Variants in IFT43 observed in about 807,000 individuals in gnomAD.
The protein encoded by IFT43 is intraflagellar transport 43.
In IFT43, 33 loss-of-function variants were observed where a neutral mutation model predicts 32.3. The ratio of observed to expected loss-of-function variants is 1.02; its 90% CI spans 0.77 to 1.37. The LOEUF (loss-of-function observed/expected upper bound fraction) is 1.37, where lower values mean the gene tolerates loss of function less well. Among genes scored for constraint, IFT43 ranks in the 40% most tolerant of loss-of-function variants. IFT43 has a pLI of 0.00. For synonymous variants in IFT43, 93 were observed against 98.2 expected (o/e 0.95, Z 0.31); for missense variants, 274 against 265.9 (o/e 1.03, Z -0.21).
intron 5 of IFT43, among the ~76,000 whole-genome samples, chr14:76,067,958 T>C (rs930744764): frequency 6.6e-6 from 1 of 152,232 alleles, no homozygotes; most frequent in Admixed American, 6.5e-5. Flanking sequence ...AGGAGCTGAT[T>C]TGCAAATCCT....
At chr14:76,049,907 G>A (rs2036882079) in intron 3 of IFT43, among the ~76,000 whole-genome samples, 1 of 151,960 alleles carries the variant, frequency 6.6e-6, no homozygotes, top group Admixed American at 6.6e-5. Context: ...GTCAGTGTAT[G>A]TATTTATAGA....
intron 2 of IFT43, among the ~76,000 whole-genome samples, chr14:76,002,984 G>T (rs1401158686): frequency 6.6e-6 from 1 of 152,218 alleles, no homozygotes; most frequent in Non-Finnish European, 1.5e-5. Context: ...TGATCAGAAA[G>T]CTTCATTGAA....
At chr14:76,026,993 A>C (rs1159077617) in intron 3 of IFT43, among the ~76,000 whole-genome samples, 2 of 152,192 alleles carry the variant, frequency 1.3e-5, no homozygotes, top group Non-Finnish European at 2.9e-5. Context: ...AGAAAACCAA[A>C]CACTGTATGT....
chr14:76,005,477 A>G (rs144314912), intron 2 of IFT43, among the ~76,000 whole-genome samples: 1,869 of 152,050 alleles, frequency 0.012, 47 homozygotes, highest in African/African-American at 0.043. Context: ...TTTCATCTCT[A>G]CTCAGCTTTT....
chr14:76,067,423 A>C (rs1185279583), intron 5 of IFT43, among the ~76,000 whole-genome samples: 2 of 151,950 alleles, frequency 1.3e-5, no homozygotes, highest in Admixed American at 6.6e-5. Context: ...AAAAAAAATT[A>C]GTCGTGTGTG....
chr14:76,059,673 G>A (rs1225809241), intron 5 of IFT43: 2 of 437,578 alleles, frequency 4.6e-6, no homozygotes, highest in East Asian at 9.7e-5. Context: ...CTTTCTCCAT[G>A]CTCCTCTAAC....
chr14:76,043,282 C>A (rs2036741073), intron 3 of IFT43, among the ~76,000 whole-genome samples: 2 of 152,228 alleles, frequency 1.3e-5, no homozygotes, highest in Non-Finnish European at 2.9e-5. Context: ...TGAGTAGAGG[C>A]ATGAATGAAC....
intron 3 of IFT43, among the ~76,000 whole-genome samples, chr14:76,046,339 A>C (rs527536055): frequency 2.6e-5 from 4 of 152,196 alleles, no homozygotes; most frequent in African/African-American, 9.6e-5. Flanking sequence ...TCTGTAGATG[A>C]GGTCAACAGG....
rs147933112 is a variant in IFT43, at chr14:75,988,922, C to A, written c.92C>A (p.Ala31Glu). ...GGTCGCCGAGCTCAACAGGAGTCAG[C>A]GCAGGCCGAGAATCACCTCAATGGC... ...KMGRRAQQESAQAENHLNGKN... is the reference protein window; with the variant it reads ...KMGRRAQQESEQAENHLNGKN... Residue 31 changes from alanine to glutamate, a missense_variant, in exon 2 of 9, where the codon GCG (alanine) becomes GAG (glutamate). Coordinates refer to ENST00000314067, the MANE Select transcript of IFT43 (RefSeq NM_001102564.3). 1 of 1,613,846 alleles carries A rather than the reference C, an allele frequency of 6.2e-7. No individual in the cohort carries two copies. Among genetic ancestry groups the A allele is most frequent in the Admixed American group, 1.7e-5 (1 of 60,004 alleles).
intron 5 of IFT43, among the ~76,000 whole-genome samples, chr14:76,063,312 C>A (rs2037176075): frequency 6.6e-6 from 1 of 152,172 alleles, no homozygotes; most frequent in Non-Finnish European, 1.5e-5. Flanking sequence ...TCAAGTCTGC[C>A]CAGGCTTGTG....
intron 5 of IFT43, among the ~76,000 whole-genome samples, chr14:76,073,642 G>GAC (rs1357006527): frequency 6.6e-6 from 1 of 152,142 alleles, no homozygotes; most frequent in African/African-American, 2.4e-5. Flanking sequence ...CATGCAGGAG[G>GAC]ACACAATGTG....
At chr14:76,056,052 C>T (rs534818023) in intron 3 of IFT43, among the ~76,000 whole-genome samples, 1 of 152,308 alleles carries the variant, frequency 6.6e-6, no homozygotes, top group African/African-American at 2.4e-5. Flanking sequence ...TACAAAATCT[C>T]CCCATTTTGG....
intron 2 of IFT43, among the ~76,000 whole-genome samples, 196 bp downstream of exon 2, chr14:75,989,173 C>T (rs2035589271): frequency 6.6e-6 from 1 of 152,180 alleles, no homozygotes; most frequent in African/African-American, 2.4e-5. Flanking sequence ...TGATGCCAGA[C>T]TAGTTTCTGT....
chr14:76,011,954 A>G (rs1448442446), intron 2 of IFT43, among the ~76,000 whole-genome samples: 1 of 152,192 alleles, frequency 6.6e-6, no homozygotes, highest in Non-Finnish European at 1.5e-5. Flanking sequence ...ATAAAGAACA[A>G]CTTTCTTGGA....
intron 2 of IFT43, among the ~76,000 whole-genome samples, chr14:76,001,770 G>A (rs1249658688): frequency 6.6e-6 from 1 of 152,184 alleles, no homozygotes; most frequent in Non-Finnish European, 1.5e-5. Flanking sequence ...CAATGTGCTG[G>A]CATCTGGTGA....
intron 3 of IFT43, among the ~76,000 whole-genome samples, chr14:76,032,337 C>A (rs1042633618): frequency 6.6e-6 from 1 of 152,158 alleles, no homozygotes; most frequent in Non-Finnish European, 1.5e-5. Context: ...TCTGCATAAC[C>A]AGAGTGACTC....
At chr14:76,059,845 C>T (rs1266553671) in intron 5 of IFT43, among the ~76,000 whole-genome samples, 3 of 152,172 alleles carry the variant, frequency 2.0e-5, no homozygotes, top group Admixed American at 6.5e-5. Flanking sequence ...GAAACGAAGG[C>T]ATGGAGAGGT....
chr14:76,036,408 C>CTTTTT (rs3086747), intron 3 of IFT43, among the ~76,000 whole-genome samples: 25 of 119,698 alleles, frequency 2.1e-4, no homozygotes, highest in Non-Finnish European at 2.9e-4. Flanking sequence ...TTCTGTCTTT[C>CTTTTT]TTTTTTTTTT....
chr14:76,048,788 G>A (rs1300244500), intron 3 of IFT43, among the ~76,000 whole-genome samples: 1 of 152,286 alleles, frequency 6.6e-6, no homozygotes, highest in South Asian at 2.1e-4. Flanking sequence ...AAGTGGCAGG[G>A]TGCCCTTGGT....
Sources: gnomAD v4.1 joint callset for allele counts (sites outside exome capture counted in the v4.1 genomes callset) on GRCh38, gnomAD v4.1.1 for gene constraint, MANE v1.5 for transcripts, NCBI Gene and HGNC (gene_info 2026-07-23, HGNC 2026-07-21) for gene names.